The following IQGAP2 variants were observed in gnomAD, a reference collection of about 807,000 sequenced individuals.
IQGAP2 encodes ras GTPase-activating-like protein IQGAP2.
In IQGAP2, 173 loss-of-function variants were observed where a neutral mutation model predicts 201.3. That is an observed-to-expected ratio of 0.86 (90% CI 0.76 to 0.98). The LOEUF is 0.98. IQGAP2 is among the 50% of genes least tolerant of loss of function. The probability of loss-of-function intolerance (pLI) is 0.00; values close to 1 mark genes in which losing one functional copy is unlikely to be tolerated. For synonymous variants in IQGAP2, 675 were observed against 673.9 expected, an observed-to-expected ratio of 1.00 and a Z score of -0.03; for missense variants, 1,687 against 1,864.8, an observed-to-expected ratio of 0.90 and a Z score of 1.76.
intron 5 of IQGAP2, among the ~76,000 whole-genome samples, chr5:76,578,281 C>T (rs1156349231): frequency 2.0e-5 from 3 of 151,932 alleles, no homozygotes; most frequent in African/African-American, 7.2e-5. Context: ...TCAAGCTTCA[C>T]CTAATGTAGA....
chr5:76,617,553 G>A (rs1749104043), intron 13 of IQGAP2: 2 of 1,544,282 alleles, frequency 1.3e-6, no homozygotes, highest in African/African-American at 1.4e-5. Flanking sequence ...TCTCTGTGAT[G>A]GCTGTCCTTG....
chr5:76,601,066 T>C (rs1747397542), intron 11 of IQGAP2, 94 bp downstream of exon 11: 4 of 1,190,844 alleles, frequency 3.4e-6, no homozygotes, highest in Non-Finnish European at 4.8e-6. Flanking sequence ...GAGAAATCCA[T>C]ATACCATGCT....
In IQGAP2 at chr5:76,508,309, A is replaced by C. The variant is rs563724969; in HGVS notation, c.146+46640A>C. 3.3e-5 allele frequency among the ~76,000 whole-genome samples: 5 copies of C among 152,162 alleles called. No individual in the cohort carries two copies. The East Asian group carries it at 9.6e-4, about 29-fold the overall frequency. The stretch of plus-strand genomic sequence containing the variant: ...ACTCCAGCCTGGGTGACAGAGCCAG[A>C]CTCCCATCTAAAAAAATAAAAAAGA... On this transcript the variant is annotated intron_variant, in intron 2 of 35. Transcript: ENST00000274364.
At chr5:76,606,142 T>C (rs773839030) in intron 11 of IQGAP2, 37 bp from the exon 12 acceptor site, 2 of 1,544,164 alleles carry the variant, frequency 1.3e-6, no homozygotes, top group Non-Finnish European at 1.8e-6. Context: ...AGAATGAATG[T>C]CTCTAATTAA....
At chr5:76,554,195 G>A (rs10044688) in intron 2 of IQGAP2, among the ~76,000 whole-genome samples, 86,977 of 151,940 alleles carry the variant, frequency 0.57, 26,219 homozygotes, top group African/African-American at 0.75. Context: ...ATCATATACA[G>A]AAAGTAGTTC....
chr5:76,523,076 C>CT (rs35277348), intron 2 of IQGAP2, among the ~76,000 whole-genome samples: 1,742 of 78,356 alleles, frequency 0.022, 69 homozygotes, highest in African/African-American at 0.077. Context: ...TTTCTTTTGC[C>CT]TTTTTTTTTT....
At chr5:76,472,580 C>G (rs1403963165) in intron 2 of IQGAP2, among the ~76,000 whole-genome samples, 1 of 152,156 alleles carries the variant, frequency 6.6e-6, no homozygotes, top group Non-Finnish European at 1.5e-5. Flanking sequence ...GGACACATTT[C>G]GTGTTCTCTG....
chr5:76,700,526 C>T (rs951977895), intron 33 of IQGAP2, among the ~76,000 whole-genome samples: 1 of 148,260 alleles, frequency 6.7e-6, no homozygotes, highest in South Asian at 2.2e-4. Context: ...AACCTCCCCC[C>T]AAAAAAGCAA....
Position 76,590,581 on chromosome 5 carries a change from C to T in IQGAP2, c.814C>T (p.Leu272=), listed in dbSNP as rs1331029061. ...AAAGAAAAAAGAGGAAAATGCAAGA[C>T]TGAAGGTGCTTAGATTCTGAGTAAT... ...AKKKKEENAR[L]KNSCISEEER... Residue 272 remains leucine, a synonymous_variant, in exon 8 of 36, where the codon CTG becomes TTG. Transcript: ENST00000274364. The T allele has an allele frequency of 6.2e-7, 1 of 1,603,826 alleles. No individual in the cohort carries two copies. The highest frequency in any genetic ancestry group is 8.5e-7 in the Non-Finnish European group (1 of 1,176,192).
intron 2 of IQGAP2, among the ~76,000 whole-genome samples, chr5:76,558,162 T>C (rs933461585): frequency 1.3e-5 from 2 of 152,168 alleles, no homozygotes; most frequent in African/African-American, 4.8e-5. Flanking sequence ...AAAATGTGAT[T>C]ACCTCTTTTT....
At chr5:76,485,916 C>T (rs1227628216) in intron 2 of IQGAP2, among the ~76,000 whole-genome samples, 2 of 152,042 alleles carry the variant, frequency 1.3e-5, no homozygotes. Flanking sequence ...TTATTTTTTT[C>T]CACAGCTTTA....
chr5:76,474,507 A>G (rs1755296975), intron 2 of IQGAP2, among the ~76,000 whole-genome samples: 1 of 152,096 alleles, frequency 6.6e-6, no homozygotes, highest in South Asian at 2.1e-4. Context: ...AGGAATTAAC[A>G]TTTCTAGTCA....
intron 5 of IQGAP2, among the ~76,000 whole-genome samples, chr5:76,584,124 G>C (rs1337146356): frequency 2.0e-5 from 3 of 151,938 alleles, no homozygotes; most frequent in African/African-American, 7.3e-5. Context: ...CGCCTGCCTT[G>C]GCCTCCCAAA....
intron 2 of IQGAP2, among the ~76,000 whole-genome samples, chr5:76,463,789 G>C (rs1403652343): frequency 2.0e-5 from 3 of 151,762 alleles, no homozygotes; most frequent in Non-Finnish European, 4.4e-5. Context: ...GAGTATATTA[G>C]ATGTAGTATA....
rs748599684 is a variant in IQGAP2, at chr5:76,674,469, C to T, written c.3295-8C>T. 6 of 1,577,356 alleles carry T rather than the reference C, an allele frequency of 3.8e-6. No homozygotes were observed. Among genetic ancestry groups the T allele is most frequent in the African/African-American group, 1.4e-5 (1 of 74,060 alleles). Reference sequence around the variant, plus strand: ...TAAAAATGGTCATGCACTTCTGCGTCACTCCAGATTGTTGGAAACCTCCTG... The same window carrying T: ...TAAAAATGGTCATGCACTTCTGCGTTACTCCAGATTGTTGGAAACCTCCTG... On this transcript the variant is annotated splice_polypyrimidine_tract_variant and splice_region_variant and intron_variant, in intron 26 of 35. Coordinates refer to ENST00000274364, the MANE Select transcript of IQGAP2 (RefSeq NM_006633.5).
intron 28 of IQGAP2, among the ~76,000 whole-genome samples, chr5:76,681,089 C>CAAAA (rs34896356): frequency 3.8e-5 from 2 of 52,972 alleles, no homozygotes; most frequent in African/African-American, 8.1e-5. Flanking sequence ...GACTTTGTCT[C>CAAAA]AAAAAAAAAA....
rs139970756 is a variant in IQGAP2 at position 76,434,469 on chromosome 5, T to C, written c.47-27101T>C. ...GTTTGATTTTCCATTCCTGAGTTAC[T>C]TCACTTAGAACAATGACCTCCAGCT... On this transcript the variant is annotated intron_variant, in intron 1 of 35. Transcript: ENST00000274364. 4.7e-3 allele frequency among the ~76,000 whole-genome samples: 713 copies of C among 152,304 alleles called. 2 individuals carry two copies. Among genetic ancestry groups the C allele is most frequent in the Non-Finnish European group, 7.2e-3 (488 of 68,026 alleles).
intron 13 of IQGAP2, among the ~76,000 whole-genome samples, chr5:76,627,151 G>A (rs1303277297): frequency 6.6e-6 from 1 of 152,194 alleles, no homozygotes; most frequent in Non-Finnish European, 1.5e-5. Context: ...AGATGCAGCA[G>A]AAGCTGCTAG....
At chr5:76,434,594 G>C (rs957617893) in intron 1 of IQGAP2, among the ~76,000 whole-genome samples, 9 of 151,944 alleles carry the variant, frequency 5.9e-5, no homozygotes, top group Admixed American at 5.9e-4. Flanking sequence ...CCACTTATTG[G>C]TCAATGGGCA....
Sources: allele counts gnomAD v4.1 joint callset (sites outside exome capture counted in the v4.1 genomes callset), GRCh38; gene constraint gnomAD v4.1.1; transcripts MANE v1.5; gene names NCBI Gene and HGNC (gene_info 2026-07-23, HGNC 2026-07-21).